SRRM4: variants seen among roughly 807,000 people sequenced by gnomAD.
SRRM4 encodes serine/arginine repetitive matrix protein 4.
A neutral mutation model predicts 68.9 loss-of-function variants in SRRM4; 33 were observed. The ratio of observed to expected loss-of-function variants is 0.48; its 90% confidence interval spans 0.36 to 0.64. The LOEUF is 0.64. SRRM4 is among the 30% of genes least tolerant of loss of function. The probability of loss-of-function intolerance (pLI) is 0.00; values close to 1 mark genes in which losing one functional copy is unlikely to be tolerated. For missense variants in SRRM4, 817 were observed against 827.1 expected, an observed-to-expected ratio of 0.99 and a Z score of 0.15; for synonymous variants, 318 against 318.8, an observed-to-expected ratio of 1.00 and a Z score of 0.03.
intron 10 of SRRM4, among the ~76,000 whole-genome samples, chr12:119,151,983 A>T (rs1262386498): frequency 6.6e-6 from 1 of 152,220 alleles, no homozygotes; most frequent in Non-Finnish European, 1.5e-5. Context: ...GGACACTGGG[A>T]GAAGAAAAAT....
intron 1 of SRRM4, among the ~76,000 whole-genome samples, chr12:119,000,517 C>T (rs1953377414): frequency 6.6e-6 from 1 of 152,180 alleles, no homozygotes; most frequent in Non-Finnish European, 1.5e-5. Context: ...CTAAAGACCT[C>T]AGTGTTCTTG....
In SRRM4 at chr12:119,158,890, TTATC is replaced by T. The variant is rs1390677685; in HGVS notation, c.*2096_*2099del. The T allele has an allele frequency of 2.0e-5, 3 of 152,492 alleles. No individual in the cohort carries two copies. Among genetic ancestry groups the T allele is most frequent in the Non-Finnish European group, 4.4e-5 (3 of 68,072 alleles). 9.4% of individuals were successfully genotyped at this position (152,492 alleles called of 1,614,324 possible). A position where few individuals can be genotyped will look rare whatever the true frequency, so the allele number is the denominator to read the frequency against. On this transcript the variant is annotated 3_prime_UTR_variant, in exon 13 of 13. Coordinates refer to ENST00000267260, the MANE Select transcript of SRRM4 (RefSeq NM_194286.4). ...AAACCTTTTTATTTATTTTATTTAT[TTATC>T]TATTTATTTATTTGATGACTGTCTC...
Position 118,981,842 on chromosome 12 carries a change from T to C in SRRM4, c.-41T>C, listed in dbSNP as rs1953249075. The C allele has an allele frequency of 1.2e-6, 2 of 1,600,250 alleles. No homozygotes were observed. Among genetic ancestry groups the C allele is most frequent in the East Asian group, 4.5e-5 (2 of 44,656 alleles). On this transcript the variant is annotated 5_prime_UTR_variant, in exon 1 of 13. Coordinates refer to ENST00000267260, the MANE Select transcript of SRRM4 (RefSeq NM_194286.4). Reference sequence around the variant, plus strand: ...CGTTTGGAATCCACGTTTCAGCACTTTGGACAGCGCCCCGGACGCCCCGGC... The same window carrying C: ...CGTTTGGAATCCACGTTTCAGCACTCTGGACAGCGCCCCGGACGCCCCGGC...
chr12:119,092,607 C>A (rs1307061552), intron 1 of SRRM4, among the ~76,000 whole-genome samples: 1 of 152,076 alleles, frequency 6.6e-6, no homozygotes, highest in Non-Finnish European at 1.5e-5. Context: ...AATAAAAGTC[C>A]ATAATCTGGC....
chr12:119,152,621 T>C (rs978945403), intron 10 of SRRM4, among the ~76,000 whole-genome samples: 1 of 152,226 alleles, frequency 6.6e-6, no homozygotes, highest in Non-Finnish European at 1.5e-5. Context: ...TATGGTGCAG[T>C]GAATGGAAAT....
At position 119,101,897 on chromosome 12, in the gene SRRM4, G is replaced by A. The variant is rs1040365408; in HGVS notation, c.132-339G>A. ...CTGTGACAAATAAACCTACATCAAA[G>A]TGGTTTAACCTAATTTCAGTTATTT... is the stretch of plus-strand genomic sequence containing the variant. On this transcript the variant is annotated intron_variant, in intron 1 of 12. Coordinates refer to ENST00000267260, the MANE Select transcript of SRRM4 (RefSeq NM_194286.4). Among the ~76,000 whole-genome samples, 6 of 152,264 alleles carry A rather than the reference G, an allele frequency of 3.9e-5. No individual in the cohort carries two copies. The South Asian group carries it at 1.0e-3, about 26-fold the overall frequency.
At chr12:119,090,267 G>A (rs1428946030) in intron 1 of SRRM4, among the ~76,000 whole-genome samples, 1 of 152,190 alleles carries the variant, frequency 6.6e-6, no homozygotes, top group African/African-American at 2.4e-5. Flanking sequence ...ACATGGTGTG[G>A]GTCTATGTCT....
chr12:119,122,109 G>T lies in SRRM4; in HGVS notation c.504G>T (p.Arg168Ser). 6.2e-7 allele frequency: 1 copy of T among 1,610,232 alleles called. No individual in the cohort carries two copies. Among genetic ancestry groups the T allele is most frequent in the Non-Finnish European group, 8.5e-7 (1 of 1,176,546 alleles). ...AAAGCAAAAGAAGAGATGAGAAGAG[G>T]CACAAGAAACAGTAAGTAGATACTA... ...SPKSKRRDEK[R>S]HKKQSRSRPR... The change falls in exon 6 of 13, where the codon AGG (arginine) becomes AGT (serine). Residue 168 changes from arginine (R) to serine (S), a missense_variant. By Grantham distance (110) the Arg-to-Ser change is moderately radical (BLOSUM62 -1). Transcript: ENST00000267260.
chr12:119,102,643 A>C (rs957152006), intron 2 of SRRM4, among the ~76,000 whole-genome samples: 1 of 152,226 alleles, frequency 6.6e-6, no homozygotes, highest in African/African-American at 2.4e-5. Flanking sequence ...CTGTGTTCCA[A>C]TAAAATTGTA....
chr12:119,149,478 C>G (rs1954425343), intron 9 of SRRM4, among the ~76,000 whole-genome samples: 1 of 152,190 alleles, frequency 6.6e-6, no homozygotes, highest in African/African-American at 2.4e-5. Context: ...ACAGAAGAGA[C>G]AGCCTACAAG....
chr12:119,075,633 T>A, intron 1 of SRRM4, among the ~76,000 whole-genome samples: 1 of 151,012 alleles, frequency 6.6e-6, no homozygotes, highest in East Asian at 2.0e-4. Flanking sequence ...ATGATGATAG[T>A]GGTAATGATG....
At chr12:119,018,912 C>A (rs766433992) in intron 1 of SRRM4, among the ~76,000 whole-genome samples, 4 of 152,280 alleles carry the variant, frequency 2.6e-5, no homozygotes, top group South Asian at 2.1e-4. Flanking sequence ...CAATCACTCA[C>A]CCCCAGGAGT....
chr12:119,014,795 C>T (rs955790470), intron 1 of SRRM4, among the ~76,000 whole-genome samples: 1 of 151,992 alleles, frequency 6.6e-6, no homozygotes, highest in Non-Finnish European at 1.5e-5. Flanking sequence ...ATCCCTGGCC[C>T]CTGAAACCAT....
intron 8 of SRRM4, among the ~76,000 whole-genome samples, chr12:119,131,055 C>T (rs1954294935): frequency 6.6e-6 from 1 of 152,126 alleles, no homozygotes; most frequent in African/African-American, 2.4e-5. Context: ...AACTAAATAC[C>T]CAGTCTTTTT....
chr12:119,140,466 T>C (rs1954358441), intron 8 of SRRM4, among the ~76,000 whole-genome samples: 1 of 152,242 alleles, frequency 6.6e-6, no homozygotes, highest in South Asian at 2.1e-4. Flanking sequence ...ATTGCATTTT[T>C]GTACCCAGTA....
chr12:119,001,736 A>G (rs1953385314), intron 1 of SRRM4: 1 of 152,142 alleles, frequency 6.6e-6, no homozygotes, highest in Non-Finnish European at 1.5e-5. Flanking sequence ...TAATCCAAGC[A>G]CTTTGGGAGG....
chr12:119,092,006 C>G (rs1429350775), intron 1 of SRRM4, among the ~76,000 whole-genome samples: 1 of 152,150 alleles, frequency 6.6e-6, no homozygotes, highest in African/African-American at 2.4e-5. Context: ...GAATGAATAG[C>G]TGAGGAATGA....
At position 118,998,268 on chromosome 12, in the gene SRRM4, CAAAAAAAA is replaced by C. The variant is rs35250419; in HGVS notation, c.131+16279_131+16286del. ...AACTGAGTGGATAAGAGCAATATGG[CAAAAAAAA>C]AAAAAAAAAAAAAAAAAAAAAAATC... On this transcript the variant is annotated intron_variant, in intron 1 of 12. Coordinates refer to ENST00000267260, the MANE Select transcript of SRRM4 (RefSeq NM_194286.4). Among the ~76,000 whole-genome samples the C allele has an allele frequency of 3.1e-3, 113 of 36,578 alleles. 3 individuals carry two copies. The highest frequency in any genetic ancestry group is 0.01 in the South Asian group (6 of 574). 24.0% of individuals were successfully genotyped at this position (36,578 alleles called of 152,430 possible).
chr12:119,122,506 G>A (rs1954228551), intron 6 of SRRM4, among the ~76,000 whole-genome samples: 1 of 152,110 alleles, frequency 6.6e-6, no homozygotes, highest in Non-Finnish European at 1.5e-5. Context: ...TACCTTGTGT[G>A]TATATTTATA....
Sources: gnomAD v4.1 joint callset for allele counts (sites outside exome capture counted in the v4.1 genomes callset) on GRCh38, gnomAD v4.1.1 for gene constraint, MANE v1.5 for transcripts, NCBI Gene and HGNC (gene_info 2026-07-23, HGNC 2026-07-21) for gene names.